FHOD3: variants seen among roughly 807,000 people sequenced by gnomAD.
FHOD3 encodes the protein formin homology 2 domain containing 3.
In FHOD3, 90 loss-of-function variants were observed where a neutral mutation model predicts 173.0. That is an observed-to-expected ratio of 0.52 (90% confidence interval 0.44 to 0.62). FHOD3 has a LOEUF of 0.62. Ranked by LOEUF, FHOD3 falls within the 20% of genes least tolerant of loss-of-function variation. The probability of loss-of-function intolerance (pLI) is 0.00; values close to 1 mark genes in which losing one functional copy is unlikely to be tolerated. For synonymous variants in FHOD3, 828 were observed against 823.0 expected (o/e 1.01, Z -0.10); for missense variants, 1,945 against 2,034.7 (o/e 0.96, Z 0.85).
intron 3 of FHOD3, among the ~76,000 whole-genome samples, chr18:36,447,897 CT>C (rs1261534987): frequency 3.3e-5 from 5 of 152,162 alleles, no homozygotes; most frequent in African/African-American, 1.2e-4. Flanking sequence ...AAACTGGTTA[CT>C]TTACTTTTCA....
At chr18:36,636,905 C>T (rs2034932616) in intron 10 of FHOD3, among the ~76,000 whole-genome samples, 1 of 152,066 alleles carries the variant, frequency 6.6e-6, no homozygotes. Context: ...TTTTTCTTTT[C>T]TATATATTTT....
intron 3 of FHOD3, among the ~76,000 whole-genome samples, chr18:36,452,083 C>G (rs778178030): frequency 2.6e-5 from 4 of 152,160 alleles, no homozygotes; most frequent in African/African-American, 4.8e-5. Flanking sequence ...ACCCAGTGAC[C>G]GGCCACGTCA....
At chr18:36,613,743 G>A (rs919315370) in intron 9 of FHOD3, among the ~76,000 whole-genome samples, 3 of 152,000 alleles carry the variant, frequency 2.0e-5, no homozygotes, top group South Asian at 2.1e-4. Context: ...GCGCGATCTC[G>A]GCTCACTGCA....
intron 1 of FHOD3, among the ~76,000 whole-genome samples, chr18:36,316,074 C>T (rs1021463270): frequency 6.6e-6 from 1 of 150,770 alleles, no homozygotes; most frequent in Non-Finnish European, 1.5e-5. Context: ...TCTCTGGTAT[C>T]TTTAAGCCTC....
chr18:36,658,163 C>A lies in FHOD3; in HGVS notation c.1810C>A (p.Pro604Thr). 1 of 1,588,408 alleles carries A rather than the reference C, an allele frequency of 6.3e-7. No individual in the cohort carries two copies. The highest frequency in any genetic ancestry group is 8.5e-7 in the Non-Finnish European group (1 of 1,170,020). Residue 604 changes from proline (P) to threonine (T), a missense_variant, in exon 14 of 29, where the codon CCC becomes ACC. Pro to Thr is a conservative substitution (Grantham distance 38, BLOSUM62 -1). Transcript: ENST00000590592. Reference sequence around the variant, plus strand: ...CACCACCCCCACATCATCCGTCTCACCCCCACAGGAGGCCAGGTTGGAAAG... The same window carrying A: ...CACCACCCCCACATCATCCGTCTCAACCCCACAGGAGGCCAGGTTGGAAAG... Reference protein sequence around the residue: ...VPTTPTSSVSPPQEARLERSS... With the variant: ...VPTTPTSSVSTPQEARLERSS...
intron 2 of FHOD3, among the ~76,000 whole-genome samples, chr18:36,363,463 C>T (rs1475392059): frequency 6.6e-6 from 1 of 151,992 alleles, no homozygotes; most frequent in African/African-American, 2.4e-5. Flanking sequence ...TTTTATTTAG[C>T]AATAAAAAGA....
intron 13 of FHOD3, among the ~76,000 whole-genome samples, chr18:36,657,491 G>C (rs939252297): frequency 6.6e-6 from 1 of 152,210 alleles, no homozygotes; most frequent in African/African-American, 2.4e-5. Context: ...TTTTGGTTCA[G>C]GGGAAATGTT....
intron 5 of FHOD3, among the ~76,000 whole-genome samples, chr18:36,558,310 T>C (rs532625176): frequency 6.6e-6 from 1 of 152,322 alleles, no homozygotes; most frequent in South Asian, 2.1e-4. Context: ...CATAGTAAGC[T>C]GGGCCACTGG....
chr18:36,520,298 T>A (rs2056211446), intron 5 of FHOD3, among the ~76,000 whole-genome samples: 2 of 152,156 alleles, frequency 1.3e-5, no homozygotes, highest in Admixed American at 1.3e-4. Context: ...AAGTTAATTA[T>A]GAATATTGTT....
At chr18:36,639,841 A>AAGGT (rs2035182749) in intron 10 of FHOD3, among the ~76,000 whole-genome samples, 1 of 151,048 alleles carries the variant, frequency 6.6e-6, no homozygotes, top group Non-Finnish European at 1.5e-5. Flanking sequence ...ACACAAAGTC[A>AAGGT]AGGTATACAC....
At chr18:36,428,492 A>G (rs1218023554) in intron 3 of FHOD3, among the ~76,000 whole-genome samples, 1 of 152,096 alleles carries the variant, frequency 6.6e-6, no homozygotes. Context: ...TACTGCAAGG[A>G]TGCAGGGGTG....
At chr18:36,407,562 A>T (rs1207062694) in intron 3 of FHOD3, among the ~76,000 whole-genome samples, 1 of 152,232 alleles carries the variant, frequency 6.6e-6, no homozygotes, top group Non-Finnish European at 1.5e-5. Flanking sequence ...CTGAGGTTCA[A>T]AAAGGTTCCC....
chr18:36,461,106 G>A (rs2052523651), intron 3 of FHOD3, among the ~76,000 whole-genome samples: 1 of 152,130 alleles, frequency 6.6e-6, no homozygotes, highest in Non-Finnish European at 1.5e-5. Flanking sequence ...GGGAGGGCAG[G>A]GCTGAGAAGG....
intron 15 of FHOD3, among the ~76,000 whole-genome samples, chr18:36,681,885 G>A (rs1169825038): frequency 6.6e-6 from 1 of 152,104 alleles, no homozygotes; most frequent in African/African-American, 2.4e-5. Context: ...AACTTAATTT[G>A]CCATCTCTTC....
At chr18:36,668,802 CT>C (rs1249336948) in intron 14 of FHOD3, among the ~76,000 whole-genome samples, 1 of 152,000 alleles carries the variant, frequency 6.6e-6, no homozygotes, top group Non-Finnish European at 1.5e-5. Flanking sequence ...AACTATCTTT[CT>C]GTTACTGATT....
intron 18 of FHOD3, among the ~76,000 whole-genome samples, chr18:36,716,914 ATGTGTGTGTGTGTGTG>A (rs57041859): frequency 2.9e-5 from 4 of 136,812 alleles, no homozygotes; most frequent in African/African-American, 8.1e-5. Flanking sequence ...ATATATGTGT[ATGTGTGTGTGTGTGTG>A]TGTGTGTGTG....
At chr18:36,488,597 G>T (rs1411051583) in intron 3 of FHOD3, among the ~76,000 whole-genome samples, 1 of 152,212 alleles carries the variant, frequency 6.6e-6, no homozygotes, top group Non-Finnish European at 1.5e-5. Flanking sequence ...GGCCTTAGGG[G>T]CTGGAGAGAG....
intron 1 of FHOD3, among the ~76,000 whole-genome samples, chr18:36,320,990 G>T (rs2044364362): frequency 6.6e-6 from 1 of 151,922 alleles, no homozygotes; most frequent in South Asian, 2.1e-4. Context: ...ATCTCCCTCG[G>T]CCTCAGTTTC....
intron 3 of FHOD3, among the ~76,000 whole-genome samples, chr18:36,459,858 A>G (rs1484218886): frequency 6.6e-6 from 1 of 152,002 alleles, no homozygotes; most frequent in East Asian, 1.9e-4. Context: ...CTTTGTTTTT[A>G]GCTGATGCCC....
Sources: allele counts gnomAD v4.1 joint callset (sites outside exome capture counted in the v4.1 genomes callset), GRCh38; gene constraint gnomAD v4.1.1; transcripts MANE v1.5; gene names NCBI Gene and HGNC (gene_info 2026-07-23, HGNC 2026-07-21).